DGKG: variants seen among roughly 807,000 people sequenced by gnomAD.
DGKG encodes DAG kinase gamma.
A neutral mutation model predicts 105.3 loss-of-function variants in DGKG; 78 were observed. The ratio of observed to expected loss-of-function variants is 0.74; its 90% CI spans 0.62 to 0.89. The LOEUF is 0.89. Among genes scored for constraint, DGKG ranks in the 40% least tolerant of loss-of-function variants. DGKG has a pLI of 0.00. For missense variants in DGKG, 958 were observed against 1,020.1 expected (o/e 0.94, Z 0.83); for synonymous variants, 346 against 367.1 (o/e 0.94, Z 0.66).
chr3:186,189,838 C>G (rs552827625), intron 21 of DGKG, among the ~76,000 whole-genome samples: 67 of 152,128 alleles, frequency 4.4e-4, no homozygotes, highest in Non-Finnish European at 8.8e-4. Flanking sequence ...TTATGTTGAT[C>G]TGGATTCTCT....
chr3:186,309,778 C>T (rs1217349901), intron 2 of DGKG, among the ~76,000 whole-genome samples: 1 of 152,126 alleles, frequency 6.6e-6, no homozygotes, highest in Non-Finnish European at 1.5e-5. Flanking sequence ...TTCCACCATT[C>T]ACTGTAGCAG....
intron 11 of DGKG, among the ~76,000 whole-genome samples, chr3:186,269,957 A>G (rs1429724806): frequency 6.6e-6 from 1 of 152,140 alleles, no homozygotes; most frequent in Non-Finnish European, 1.5e-5. Flanking sequence ...TGGAATTCTC[A>G]CCAAAATTCT....
At chr3:186,156,795 AT>A (rs1716058006) in intron 24 of DGKG, among the ~76,000 whole-genome samples, 1 of 151,616 alleles carries the variant, frequency 6.6e-6, no homozygotes, top group Non-Finnish European at 1.5e-5. Context: ...TGAATTGATT[AT>A]TGCTGGTATA....
chr3:186,295,638 TAAAAAA>T (rs34829528), intron 5 of DGKG, among the ~76,000 whole-genome samples: 53 of 84,510 alleles, frequency 6.3e-4, no homozygotes, highest in African/African-American at 2.5e-3. Context: ...TAATGCACAG[TAAAAAA>T]AAAAAAAAAA....
At position 186,147,440 on chromosome 3, in the gene DGKG, A is replaced by G. The variant is rs1715555984; in HGVS notation, c.*2650T>C. On this transcript the variant is annotated 3_prime_UTR_variant, in exon 25 of 25. Coordinates refer to ENST00000265022, the MANE Select transcript of DGKG (RefSeq NM_001346.3). ...GGTTGCTATGAGGGTCACTATGATG[A>G]GGGACTCCACCACAAGAAACCACAG... 1.0e-6 allele frequency: 1 copy of G among 984,752 alleles called. No individual in the cohort carries two copies. The highest frequency in any genetic ancestry group is 1.7e-5 in the African/African-American group (1 of 57,332). The allele number at this position is 984,752 out of a possible 1,614,324, so 61.0% of individuals were successfully genotyped here.
chr3:186,356,984 T>C (rs1726997082), intron 1 of DGKG, among the ~76,000 whole-genome samples: 1 of 152,156 alleles, frequency 6.6e-6, no homozygotes, highest in South Asian at 2.1e-4. Context: ...TCTGGGTTCT[T>C]TCCTCGCAGA....
intron 20 of DGKG, among the ~76,000 whole-genome samples, chr3:186,241,085 C>T (rs368958070): frequency 2.6e-5 from 4 of 152,086 alleles, no homozygotes. Context: ...CAGCTGCTAT[C>T]GGATCCCACA....
At chr3:186,352,336 G>C (rs1726673192) in intron 1 of DGKG, among the ~76,000 whole-genome samples, 1 of 152,092 alleles carries the variant, frequency 6.6e-6, no homozygotes, top group Non-Finnish European at 1.5e-5. Flanking sequence ...TTATTAGATA[G>C]GCATGGACCT....
In DGKG at chr3:186,275,970, ATCT is replaced by A. The variant is rs1722565677; in HGVS notation, c.793-309_793-307del. 2.0e-5 allele frequency among the ~76,000 whole-genome samples: 3 copies of A among 150,308 alleles called. No homozygotes were observed. The South Asian group carries it at 6.3e-4, about 31-fold the overall frequency. Reference sequence around the variant, plus strand: ...GATCTATCTATCTATCTATCTATCTATCTATCTATCTATCTATCTATCTATTAT... The same window carrying A: ...GATCTATCTATCTATCTATCTATCTAATCTATCTATCTATCTATCTATTAT... On this transcript the variant is annotated intron_variant, in intron 9 of 24. Coordinates refer to ENST00000265022, the MANE Select transcript of DGKG (RefSeq NM_001346.3).
intron 22 of DGKG, among the ~76,000 whole-genome samples, chr3:186,165,515 G>C (rs1467003076): frequency 2.6e-5 from 4 of 152,222 alleles, no homozygotes; most frequent in African/African-American, 4.8e-5. Context: ...GTAAGCCACT[G>C]GTGAGCCAGC....
intron 2 of DGKG, among the ~76,000 whole-genome samples, chr3:186,312,496 A>T (rs910268340): frequency 1.3e-5 from 2 of 152,172 alleles, no homozygotes; most frequent in African/African-American, 4.8e-5. Flanking sequence ...TCTGGGGCTG[A>T]CTGCTGAGGC....
rs148668305 is a variant in DGKG at position 186,229,639 on chromosome 3, A to G, written c.1826+12865T>C. Among the ~76,000 whole-genome samples, 375 of 152,300 alleles carry G rather than the reference A, an allele frequency of 2.5e-3. 2 individuals are homozygous for G. Among genetic ancestry groups the G allele is most frequent in the African/African-American group, 8.7e-3 (361 of 41,568 alleles). ...TGTTATGGCAGCCCAGGACACTGAT[A>G]TAGTTGGTATTAACTTCTGTATGTG... On this transcript the variant is annotated intron_variant, in intron 20 of 24. Transcript: ENST00000265022.
intron 13 of DGKG, among the ~76,000 whole-genome samples, chr3:186,265,992 G>A (rs543621134): frequency 1.3e-5 from 2 of 152,186 alleles, no homozygotes; most frequent in Admixed American, 1.3e-4. Context: ...TTTCGGCTGA[G>A]CACTATCTAA....
At chr3:186,213,921 A>C (rs1028201584) in intron 20 of DGKG, among the ~76,000 whole-genome samples, 1 of 152,198 alleles carries the variant, frequency 6.6e-6, no homozygotes, top group Non-Finnish European at 1.5e-5. Context: ...ATGATGGCAA[A>C]AGACTAAGTA....
chr3:186,335,638 A>T (rs1725797951), intron 1 of DGKG, among the ~76,000 whole-genome samples: 1 of 152,226 alleles, frequency 6.6e-6, no homozygotes, highest in East Asian at 1.9e-4. Context: ...AAAGGAAGGA[A>T]ACAGAAACTG....
chr3:186,327,381 TTTC>T (rs1725392689), intron 1 of DGKG, among the ~76,000 whole-genome samples: 4 of 145,184 alleles, frequency 2.8e-5, no homozygotes, highest in East Asian at 2.0e-4. Context: ...CCTTATTCTT[TTTC>T]TTCTTCTTTT....
chr3:186,242,446 C>T, intron 20 of DGKG, 58 bp downstream of exon 20: 3 of 1,472,252 alleles, frequency 2.0e-6, no homozygotes, highest in Non-Finnish European at 2.8e-6. Flanking sequence ...GGTGAAAGGC[C>T]TCTGTTCCGC....
chr3:186,163,909 C>T (rs1157796067), intron 23 of DGKG, among the ~76,000 whole-genome samples: 1 of 151,796 alleles, frequency 6.6e-6, no homozygotes, highest in African/African-American at 2.4e-5. Context: ...GACAACAGCT[C>T]AGAAAGAAAG....
At chr3:186,263,914 T>C (rs946884644) in intron 14 of DGKG, among the ~76,000 whole-genome samples, 5 of 152,204 alleles carry the variant, frequency 3.3e-5, no homozygotes, top group South Asian at 2.1e-4. Context: ...CACAGTGCCA[T>C]GTTGTTTGAA....
Sources: gnomAD v4.1 joint callset for allele counts (sites outside exome capture counted in the v4.1 genomes callset) on GRCh38, gnomAD v4.1.1 for gene constraint, MANE v1.5 for transcripts, NCBI Gene and HGNC (gene_info 2026-07-23, HGNC 2026-07-21) for gene names.